Variants in HPCAL1 observed in about 807,000 individuals in gnomAD.
HPCAL1 encodes the protein hippocalcin-like protein 1.
In HPCAL1, 8 loss-of-function variants were observed where a neutral mutation model predicts 17.1. That is an observed-to-expected ratio of 0.47 (90% CI 0.27 to 0.84). The LOEUF (loss-of-function observed/expected upper bound fraction) is 0.84, where lower values mean the gene tolerates loss of function less well. Among genes scored for constraint, HPCAL1 ranks in the 40% least tolerant of loss-of-function variants. The probability of loss-of-function intolerance (pLI) is 0.13; values close to 1 mark genes in which losing one functional copy is unlikely to be tolerated. For missense variants in HPCAL1, 165 were observed against 271.1 expected (o/e 0.61, Z 2.75); for synonymous variants, 112 against 111.4 (o/e 1.01, Z -0.03).
At chr2:10,399,397 TCACCAC>T (rs1558518182) in intron 2 of HPCAL1, among the ~76,000 whole-genome samples, 1 of 6,378 alleles carries the variant, frequency 1.6e-4, no homozygotes, top group African/African-American at 1.4e-3. Context: ...ACCACCACCA[TCACCAC>T]CACCACCACC....
At chr2:10,303,425 CTGCGT>C (rs1390491631) in intron 1 of HPCAL1, among the ~76,000 whole-genome samples, 1 of 152,086 alleles carries the variant, frequency 6.6e-6, no homozygotes, top group African/African-American at 2.4e-5. Flanking sequence ...ACATTTTGGA[CTGCGT>C]TTGTGGAATT....
rs1031875395 is a variant in HPCAL1 at position 10,359,896 on chromosome 2, T to C, written c.-110-36939T>C. Among the ~76,000 whole-genome samples, 4 of 149,698 alleles carry C rather than the reference T, an allele frequency of 2.7e-5. No individual in the cohort carries two copies. Among genetic ancestry groups the C allele is most frequent in the East Asian group, 1.9e-4 (1 of 5,144 alleles). On this transcript the variant is annotated intron_variant, in intron 1 of 4. Transcript: ENST00000307845. The surrounding 1 kb of genome is among the most constrained non-coding windows in gnomAD (Gnocchi z 4.1). ...ACCTGCCTCCTGCCTCCTTCCACAG[T>C]GCCCGCCGGGTCCACAGCGCCCGCC...
intron 1 of HPCAL1, among the ~76,000 whole-genome samples, chr2:10,327,594 T>A (rs531082200): frequency 2.0e-5 from 3 of 152,360 alleles, no homozygotes; most frequent in African/African-American, 7.2e-5. Flanking sequence ...TATATTCAAC[T>A]AACTGCATTT....
intron 2 of HPCAL1, among the ~76,000 whole-genome samples, chr2:10,405,824 G>T (rs966872084): frequency 6.6e-6 from 1 of 152,206 alleles, no homozygotes; most frequent in Admixed American, 6.5e-5. Flanking sequence ...ATGAAGGGGC[G>T]TCTAAAGCCT....
intron 1 of HPCAL1, among the ~76,000 whole-genome samples, chr2:10,322,856 A>G (rs1663758345): frequency 6.6e-6 from 1 of 152,182 alleles, no homozygotes; most frequent in African/African-American, 2.4e-5. Flanking sequence ...CTCTTATCTA[A>G]GCCACCGCTT....
intron 1 of HPCAL1, among the ~76,000 whole-genome samples, chr2:10,327,096 T>C (rs1664064891): frequency 6.6e-6 from 1 of 152,130 alleles, no homozygotes; most frequent in African/African-American, 2.4e-5. Context: ...GGAGTACAAG[T>C]GCCTCTTCAC....
chr2:10,358,329 T>C (rs1327671244), intron 1 of HPCAL1, among the ~76,000 whole-genome samples: 1 of 152,252 alleles, frequency 6.6e-6, no homozygotes, highest in African/African-American at 2.4e-5. Flanking sequence ...TTGTCCAGAC[T>C]GGTCCTGAAC....
In HPCAL1 at chr2:10,304,300, T is replaced by A. The variant is rs915098255; in HGVS notation, c.-111+1123T>A. On this transcript the variant is annotated intron_variant, in intron 1 of 4. Coordinates refer to ENST00000307845, the MANE Select transcript of HPCAL1 (RefSeq NM_002149.4). This position sits in a 1 kb window ranked among gnomAD's most constrained non-coding sequence, Gnocchi z 4.1. ...AGTTCCTAGTCCGGGAGGATGCAGC[T>A]CAGCTCGTGGAGTCCGAGAGTCACG... is the stretch of plus-strand genomic sequence containing the variant. Among the ~76,000 whole-genome samples the A allele has an allele frequency of 9.9e-5, 15 of 152,232 alleles. No individual in the cohort carries two copies. The highest frequency in any genetic ancestry group is 9.8e-4 in the Admixed American group (15 of 15,290).
rs1666948720 is a variant in HPCAL1, at chr2:10,367,972, G to A, written c.-110-28863G>A. 6.6e-6 allele frequency among the ~76,000 whole-genome samples: 1 copy of A among 151,944 alleles called. No homozygotes were observed. Among genetic ancestry groups the A allele is most frequent in the Non-Finnish European group, 1.5e-5 (1 of 67,980 alleles). ...TATGTGTATATAGGTGTGTGCATGT[G>A]TGTATATACCTGTGTAGGTGTGTAT... On this transcript the variant is annotated intron_variant, in intron 1 of 4. Coordinates refer to ENST00000307845, the MANE Select transcript of HPCAL1 (RefSeq NM_002149.4). The surrounding 1 kb of genome is among the most constrained non-coding windows in gnomAD (Gnocchi z 4.4).
At chr2:10,332,008 C>G (rs1343784947) in intron 1 of HPCAL1, among the ~76,000 whole-genome samples, 1 of 121,050 alleles carries the variant, frequency 8.3e-6, no homozygotes, top group African/African-American at 3.0e-5. Flanking sequence ...CCCGTGTCAC[C>G]TGTTGTTGCT....
At chr2:10,393,959 GAAA>G (rs34916252) in intron 1 of HPCAL1, among the ~76,000 whole-genome samples, 83 of 129,798 alleles carry the variant, frequency 6.4e-4, no homozygotes, top group Admixed American at 2.8e-3. Flanking sequence ...TACTAAAAAT[GAAA>G]AAAAAAAAAA....
chr2:10,349,105 GT>G (rs142953443), intron 1 of HPCAL1, among the ~76,000 whole-genome samples: 2,485 of 152,238 alleles, frequency 0.016, 75 homozygotes, highest in African/African-American at 0.054. Flanking sequence ...CTTGGCTGCA[GT>G]TAACAATGCT....
At chr2:10,388,559 C>A (rs958282387) in intron 1 of HPCAL1, among the ~76,000 whole-genome samples, 1 of 152,232 alleles carries the variant, frequency 6.6e-6, no homozygotes, top group Admixed American at 6.5e-5. Context: ...CACGGTCTCC[C>A]GTCTGTCTCT....
chr2:10,362,672 G>C lies in HPCAL1; in HGVS notation c.-110-34163G>C, dbSNP rs140309145. On this transcript the variant is annotated intron_variant, in intron 1 of 4. Coordinates refer to ENST00000307845, the MANE Select transcript of HPCAL1 (RefSeq NM_002149.4). The surrounding 1 kb of genome is among the most constrained non-coding windows in gnomAD (Gnocchi z 5.0). ...ATCCCATTTCTGCTGCTTTGGGAGA[G>C]AAGGGAGGGTAGCCCTGAGGCCATC... is the stretch of plus-strand genomic sequence containing the variant. Among the ~76,000 whole-genome samples the C allele has an allele frequency of 1.4e-4, 21 of 152,212 alleles. No individual in the cohort carries two copies. Among genetic ancestry groups the C allele is most frequent in the South Asian group, 6.2e-4 (3 of 4,830 alleles).
chr2:10,313,427 G>A (rs918987402), intron 1 of HPCAL1, among the ~76,000 whole-genome samples: 3 of 152,234 alleles, frequency 2.0e-5, no homozygotes, highest in Admixed American at 1.3e-4. Flanking sequence ...GTAGGATGGC[G>A]GCTGCCTTCA....
At position 10,359,349 on chromosome 2, in the gene HPCAL1, G is replaced by C. The variant is rs1373145474; in HGVS notation, c.-110-37486G>C. Among the ~76,000 whole-genome samples, 1 of 152,126 alleles carries C rather than the reference G, an allele frequency of 6.6e-6. No individual in the cohort carries two copies. Among genetic ancestry groups the C allele is most frequent in the Non-Finnish European group, 1.5e-5 (1 of 68,026 alleles). ...ATGGGTTAGTGGCTCCGTGTCACCTGGTTCCTCTCACCTCTGTTTTCCCTT... is the reference window on the plus strand; with the variant it reads ...ATGGGTTAGTGGCTCCGTGTCACCTCGTTCCTCTCACCTCTGTTTTCCCTT... On this transcript the variant is annotated intron_variant, in intron 1 of 4. Transcript: ENST00000307845. This position sits in a 1 kb window ranked among gnomAD's most constrained non-coding sequence, Gnocchi z 4.1.
intron 4 of HPCAL1, chr2:10,424,335 T>C: frequency 2.7e-6 from 1 of 367,830 alleles, no homozygotes; most frequent in Non-Finnish European, 5.6e-6. Flanking sequence ...GCCTTTGGGC[T>C]GATGGGAAAT....
chr2:10,393,677 A>G (rs903082497), intron 1 of HPCAL1, among the ~76,000 whole-genome samples: 8 of 152,198 alleles, frequency 5.3e-5, no homozygotes, highest in African/African-American at 1.2e-4. Context: ...TTGCAACCAG[A>G]TAGCGAGGGA....
intron 2 of HPCAL1, among the ~76,000 whole-genome samples, chr2:10,416,138 G>C (rs1350005997): frequency 6.6e-6 from 1 of 152,200 alleles, no homozygotes; most frequent in Admixed American, 6.5e-5. Flanking sequence ...AGGGCTTAGC[G>C]GCAGTCAAGG....
Sources: allele counts gnomAD v4.1 joint callset (sites outside exome capture counted in the v4.1 genomes callset), GRCh38; gene constraint gnomAD v4.1.1; non-coding constraint Gnocchi (gnomAD v3.1); transcripts MANE v1.5; gene names NCBI Gene and HGNC (gene_info 2026-07-23, HGNC 2026-07-21).